Variants in USP8 observed in about 807,000 individuals in gnomAD.
The protein encoded by USP8 is ubiquitin carboxyl-terminal hydrolase 8.
USP8 carries 27 observed loss-of-function variants against 130.0 expected under a neutral mutation model. That is an observed-to-expected ratio of 0.21 (90% CI 0.15 to 0.29). The LOEUF is 0.29. USP8 is among the 10% of genes least tolerant of loss of function. USP8 has a pLI of 1.00. For missense variants in USP8, 1,029 were observed against 1,312.2 expected (o/e 0.78, Z 3.33); for synonymous variants, 392 against 444.1 (o/e 0.88, Z 1.48).
At chr15:50,471,232 G>A (rs548015100) in intron 7 of USP8, among the ~76,000 whole-genome samples, 1 of 152,230 alleles carries the variant, frequency 6.6e-6, no homozygotes, top group South Asian at 2.1e-4. Flanking sequence ...GTATATGGTG[G>A]ACTATTAATT....
intron 3 of USP8, among the ~76,000 whole-genome samples, chr15:50,449,182 A>T (rs974124403): frequency 6.6e-6 from 1 of 152,242 alleles, no homozygotes; most frequent in Non-Finnish European, 1.5e-5. Flanking sequence ...TTTATGAACT[A>T]GTGGATCTTT....
intron 7 of USP8, among the ~76,000 whole-genome samples, chr15:50,470,905 A>G (rs2051355480): frequency 6.6e-6 from 1 of 152,160 alleles, no homozygotes; most frequent in African/African-American, 2.4e-5. Flanking sequence ...GCCGGACTTT[A>G]GTTTTTATGT....
intron 11 of USP8, 45 bp downstream of exon 11, chr15:50,482,110 T>C: frequency 6.9e-7 from 1 of 1,448,236 alleles, no homozygotes; most frequent in Non-Finnish European, 9.1e-7. Context: ...AAAGAAAATG[T>C]ATATGAAAAT....
At chr15:50,487,382 GAC>G (rs1181803851) in intron 12 of USP8, among the ~76,000 whole-genome samples, 139 of 137,316 alleles carry the variant, frequency 1.0e-3, no homozygotes, top group Non-Finnish European at 1.9e-3. Flanking sequence ...GAGAGAGAGA[GAC>G]ACACACACAT....
chr15:50,484,801 T>C (rs2051896252), intron 12 of USP8, among the ~76,000 whole-genome samples: 1 of 152,234 alleles, frequency 6.6e-6, no homozygotes, highest in Non-Finnish European at 1.5e-5. Flanking sequence ...TGGAATATTA[T>C]TCAGCCTTAA....
intron 9 of USP8, 52 bp from the exon 10 acceptor site, chr15:50,477,224 C>T: frequency 1.3e-6 from 2 of 1,488,444 alleles, no homozygotes; most frequent in South Asian, 2.5e-5. Flanking sequence ...AATGTAAGTA[C>T]TGTGTATGGG....
chr15:50,457,913 T>C (rs944615748), intron 4 of USP8, among the ~76,000 whole-genome samples: 2 of 150,428 alleles, frequency 1.3e-5, no homozygotes, highest in Admixed American at 1.3e-4. Context: ...GCATATAAAA[T>C]GTAAAGATAC....
chr15:50,496,964 G>C, intron 17 of USP8, 125 bp from the exon 18 acceptor site: 1 of 1,243,402 alleles, frequency 8.0e-7, no homozygotes, highest in Non-Finnish European at 1.1e-6. Flanking sequence ...GGGAAGGCAG[G>C]AACTCTTTTG....
Position 50,481,962 on chromosome 15 carries a change from C to G in USP8, c.1700C>G (p.Ser567Cys), listed in dbSNP as rs780338070. The change falls in exon 11 of 20, where the codon TCT (serine) becomes TGT (cysteine). Residue 567 changes from serine to cysteine, a missense_variant. Ser to Cys is a moderately radical substitution (Grantham distance 112). Transcript: ENST00000307179. ...CATGAAACTTCTGATGCCAAGAAATCTGTAGAAGATAGGGGGAAAAGGTGT... is the reference window on the plus strand; with the variant it reads ...CATGAAACTTCTGATGCCAAGAAATGTGTAGAAGATAGGGGGAAAAGGTGT... ...SEHETSDAKK[S>C]VEDRGKRCPT... 6.2e-7 allele frequency: 1 copy of G among 1,606,218 alleles called. No individual in the cohort carries two copies. Among genetic ancestry groups the G allele is most frequent in the East Asian group, 2.2e-5 (1 of 44,664 alleles).
chr15:50,447,328 C>T (rs938765403), intron 3 of USP8, among the ~76,000 whole-genome samples: 3 of 152,214 alleles, frequency 2.0e-5, no homozygotes, highest in African/African-American at 7.2e-5. Flanking sequence ...GCAACCTCCA[C>T]TTCTTGGGTT....
chr15:50,481,473 T>A lies in USP8; in HGVS notation c.1219-8T>A. Reference sequence around the variant, plus strand: ...CAAAAATGTTTTGCTCTGGTTTTGTTGCTCTAGATTGATCGTACTAAAAAA... The same window carrying A: ...CAAAAATGTTTTGCTCTGGTTTTGTAGCTCTAGATTGATCGTACTAAAAAA... On this transcript the variant is annotated splice_polypyrimidine_tract_variant and splice_region_variant and intron_variant, in intron 10 of 19. Coordinates refer to ENST00000307179, the MANE Select transcript of USP8 (RefSeq NM_005154.5). 6.6e-7 allele frequency: 1 copy of A among 1,515,556 alleles called. No individual in the cohort carries two copies. Among genetic ancestry groups the A allele is most frequent in the Non-Finnish European group, 8.8e-7 (1 of 1,134,922 alleles). 93.9% of individuals were successfully genotyped at this position (1,515,556 alleles called of 1,614,324 possible). A position where few individuals can be genotyped will look rare whatever the true frequency, so the allele number is the denominator to read the frequency against.
chr15:50,488,293 C>G (rs2052031268), intron 12 of USP8, among the ~76,000 whole-genome samples: 2 of 152,144 alleles, frequency 1.3e-5, no homozygotes, highest in African/African-American at 4.8e-5. Flanking sequence ...TGGTAAGGAT[C>G]TAAATCCATC....
At position 50,494,166 on chromosome 15, in the gene USP8, G is replaced by T; in HGVS notation, c.2544G>T (p.Lys848Asn). ...WTGQYRYISP[K>N]DFKITIGKIN... ...GACAGTATAGATATATCAGTCCAAAGGACTTTAAAATCACCATTGGGAAGA... is the reference window on the plus strand; with the variant it reads ...GACAGTATAGATATATCAGTCCAAATGACTTTAAAATCACCATTGGGAAGA... The change falls in exon 16 of 20, where the codon AAG (lysine) becomes AAT (asparagine). Residue 848 changes from lysine (K) to asparagine (N), a missense_variant. This residue lies in a region of USP8 where 257 missense variants were observed against 429.8 expected (regional missense o/e 0.60). Transcript: ENST00000307179. 1 of 1,613,366 alleles carries T rather than the reference G, an allele frequency of 6.2e-7. No individual in the cohort carries two copies. Among genetic ancestry groups the T allele is most frequent in the Non-Finnish European group, 8.5e-7 (1 of 1,179,928 alleles).
intron 1 of USP8, among the ~76,000 whole-genome samples, chr15:50,426,122 A>G (rs1254233058): frequency 6.6e-6 from 1 of 152,222 alleles, no homozygotes; most frequent in Non-Finnish European, 1.5e-5. Flanking sequence ...ACTCCGTCTC[A>G]AAAAATAAAA....
rs1596005524 is a variant in USP8 at position 50,508,478 on chromosome 15, A to C, written c.*9390A>C. On this transcript the variant is annotated 3_prime_UTR_variant, in exon 20 of 20. Coordinates refer to ENST00000307179, the MANE Select transcript of USP8 (RefSeq NM_005154.5). ...ATTCTATAATAAAAAAAGGCAGAGA[A>C]AGTGGGAGATAGACATTTGTAGTTT... The C allele has an allele frequency of 6.6e-6, 1 of 152,322 alleles. No individual in the cohort carries two copies. Among genetic ancestry groups the C allele is most frequent in the Non-Finnish European group, 1.5e-5 (1 of 68,026 alleles). The allele number at this position is 152,322 out of a possible 1,614,324, so 9.4% of individuals were successfully genotyped here.
intron 1 of USP8, among the ~76,000 whole-genome samples, chr15:50,435,138 C>T (rs1241389964): frequency 6.6e-6 from 1 of 152,066 alleles, no homozygotes; most frequent in Non-Finnish European, 1.5e-5. Flanking sequence ...TTATGTCAGT[C>T]TATTTTCAGA....
chr15:50,474,481 A>G (rs573686731), intron 8 of USP8, among the ~76,000 whole-genome samples: 85 of 152,342 alleles, frequency 5.6e-4, no homozygotes, highest in African/African-American at 2.0e-3. Flanking sequence ...GTATGGGACA[A>G]TTATATGAAA....
chr15:50,458,978 C>T, intron 4 of USP8, 22 bp from the exon 5 acceptor site: 1 of 1,611,012 alleles, frequency 6.2e-7, no homozygotes, highest in South Asian at 1.1e-5. Flanking sequence ...AAAAGACAAT[C>T]TTGACTTATT....
chr15:50,484,600 G>C (rs184985717), intron 12 of USP8, among the ~76,000 whole-genome samples: 1 of 152,284 alleles, frequency 6.6e-6, no homozygotes, highest in East Asian at 1.9e-4. Context: ...TTTTATGAAA[G>C]TAAAAAATGT....
Sources: gnomAD v4.1 joint callset for allele counts (sites outside exome capture counted in the v4.1 genomes callset) on GRCh38, gnomAD v4.1.1 for gene constraint, gnomAD v4.1.1 regional missense constraint, MANE v1.5 for transcripts, NCBI Gene and HGNC (gene_info 2026-07-23, HGNC 2026-07-21) for gene names.